GRM5: variants seen among roughly 807,000 people sequenced by gnomAD.
GRM5 encodes metabotropic glutamate receptor 5.
In GRM5, 19 loss-of-function variants were observed where a neutral mutation model predicts 83.1. That is an observed-to-expected ratio of 0.23 (90% CI 0.16 to 0.34). The LOEUF (loss-of-function observed/expected upper bound fraction) is 0.34. GRM5 is among the 10% of genes least tolerant of loss of function. The pLI, the probability that GRM5 is intolerant of heterozygous loss-of-function variation, is 1.00. For synonymous variants in GRM5, 675 were observed against 633.6 expected, an observed-to-expected ratio of 1.07 and a Z score of -0.98; for missense variants, 1,160 against 1,588.3, an observed-to-expected ratio of 0.73 and a Z score of 4.58.
intron 3 of GRM5, among the ~76,000 whole-genome samples, chr11:88,668,674 T>C (rs966572016): frequency 3.9e-5 from 6 of 151,952 alleles, no homozygotes; most frequent in African/African-American, 1.5e-4. Flanking sequence ...TAACAAGAGG[T>C]CTGTCTTAAC....
chr11:88,505,100 G>A lies in GRM5; in HGVS notation c.*3492C>T, dbSNP rs1331285124. 6.6e-6 allele frequency: 1 copy of A among 152,138 alleles called. No individual in the cohort carries two copies. The highest frequency in any genetic ancestry group is 1.5e-5 in the Non-Finnish European group (1 of 68,004). The allele number at this position is 152,138 out of a possible 1,614,324, so 9.4% of individuals were successfully genotyped here. ...TACATGCCTCATTCTTCAATAGACA[G>A]TAGAGACTCTCCCAGGCCTCAGACC... On this transcript the variant is annotated 3_prime_UTR_variant, in exon 10 of 10. Coordinates refer to ENST00000305447, the MANE Select transcript of GRM5 (RefSeq NM_001143831.3).
intron 3 of GRM5, among the ~76,000 whole-genome samples, chr11:88,655,438 T>C (rs979208694): frequency 2.6e-5 from 4 of 152,118 alleles, no homozygotes; most frequent in African/African-American, 4.8e-5. Flanking sequence ...GAATTTAAAT[T>C]GCTCCTTTTG....
intron 3 of GRM5, among the ~76,000 whole-genome samples, chr11:88,823,931 ATT>A (rs1447711324): frequency 6.6e-6 from 1 of 151,944 alleles, no homozygotes; most frequent in East Asian, 1.9e-4. Context: ...ACTTTTTATT[ATT>A]CTTGCTTCTT....
intron 2 of GRM5, among the ~76,000 whole-genome samples, chr11:88,857,840 A>T (rs1944501482): frequency 6.6e-6 from 1 of 152,094 alleles, no homozygotes; most frequent in Non-Finnish European, 1.5e-5. Context: ...AAGGAAGTTA[A>T]ATGATCCAAG....
At chr11:88,625,213 G>T (rs187646330) in intron 4 of GRM5, among the ~76,000 whole-genome samples, 29 of 152,198 alleles carry the variant, frequency 1.9e-4, no homozygotes, top group Non-Finnish European at 3.8e-4. Flanking sequence ...AGAGAGCCAG[G>T]ATTTCTACCT....
At chr11:88,724,102 A>G (rs542278871) in intron 3 of GRM5, among the ~76,000 whole-genome samples, 1 of 152,284 alleles carries the variant, frequency 6.6e-6, no homozygotes, top group African/African-American at 2.4e-5. Flanking sequence ...ATGTGCTCGT[A>G]GCTACCTATT....
chr11:88,914,888 T>G (rs1389250443), intron 2 of GRM5, among the ~76,000 whole-genome samples: 1 of 152,178 alleles, frequency 6.6e-6, no homozygotes, highest in African/African-American at 2.4e-5. Flanking sequence ...AAAGTGCTCA[T>G]TGAATTATTC....
At chr11:88,513,739 A>G (rs1941446297) in intron 9 of GRM5, among the ~76,000 whole-genome samples, 1 of 151,890 alleles carries the variant, frequency 6.6e-6, no homozygotes, top group Non-Finnish European at 1.5e-5. Context: ...TCTTTATTGG[A>G]AAAAAAGAAA....
intron 8 of GRM5, among the ~76,000 whole-genome samples, chr11:88,530,861 T>A (rs1941990801): frequency 6.6e-6 from 1 of 152,056 alleles, no homozygotes; most frequent in South Asian, 2.1e-4. Context: ...TGATGCCTTA[T>A]GTGAGGCTGA....
At chr11:88,977,062 T>C (rs1056082672) in intron 2 of GRM5, among the ~76,000 whole-genome samples, 14 of 151,616 alleles carry the variant, frequency 9.2e-5, no homozygotes, top group Admixed American at 6.6e-4. Flanking sequence ...CTAGCAAGAT[T>C]TTATTCTCAA....
At chr11:89,058,165 T>G (rs1941915741) in intron 1 of GRM5, among the ~76,000 whole-genome samples, 1 of 152,248 alleles carries the variant, frequency 6.6e-6, no homozygotes, top group African/African-American at 2.4e-5. Flanking sequence ...CATTAAATTC[T>G]TATGTAACGT....
At chr11:88,704,506 A>AT (rs150383426) in intron 3 of GRM5, among the ~76,000 whole-genome samples, 3,879 of 152,170 alleles carry the variant, frequency 0.025, 202 homozygotes, top group Admixed American at 0.14. Context: ...TGCCAGAAAA[A>AT]TAAGCCCAGC....
intron 2 of GRM5, among the ~76,000 whole-genome samples, chr11:88,856,499 C>G (rs1944479474): frequency 6.6e-6 from 1 of 151,934 alleles, no homozygotes; most frequent in African/African-American, 2.4e-5. Context: ...TTCTGGAATA[C>G]CTCCTGAAAG....
chr11:88,846,610 A>C (rs1313404808), intron 3 of GRM5, among the ~76,000 whole-genome samples: 2 of 152,214 alleles, frequency 1.3e-5, no homozygotes, highest in Non-Finnish European at 2.9e-5. Flanking sequence ...GACCTAAGGC[A>C]GTTGGAGATA....
chr11:88,549,188 G>T (rs944394905), intron 8 of GRM5, among the ~76,000 whole-genome samples: 1 of 152,138 alleles, frequency 6.6e-6, no homozygotes, highest in Non-Finnish European at 1.5e-5. Context: ...AGGAGGCCTG[G>T]CACAGTTGCT....
intron 3 of GRM5, among the ~76,000 whole-genome samples, chr11:88,789,584 A>T (rs1454296241): frequency 6.6e-6 from 1 of 152,102 alleles, no homozygotes; most frequent in Non-Finnish European, 1.5e-5. Context: ...CCTTTTATGA[A>T]CCTTATCTTT....
rs1192320622 is a variant in GRM5 at position 89,009,201 on chromosome 11, G to A, written c.661+38011C>T. On this transcript the variant is annotated intron_variant, in intron 2 of 9. Coordinates refer to ENST00000305447, the MANE Select transcript of GRM5 (RefSeq NM_001143831.3). ...AATAAATTTGTTAACACAAAGGTAAGTTGACATATTAGCATACCAAGATGT... is the reference window on the plus strand; with the variant it reads ...AATAAATTTGTTAACACAAAGGTAAATTGACATATTAGCATACCAAGATGT... The A allele has an allele frequency of 2.6e-5, 16 of 620,532 alleles. 1 individual carries two copies. Among genetic ancestry groups the A allele is most frequent in the East Asian group, 1.1e-4 (4 of 36,270 alleles). 38.4% of individuals were successfully genotyped at this position (620,532 alleles called of 1,614,324 possible). A position where few individuals can be genotyped will look rare whatever the true frequency, so the allele number is the denominator to read the frequency against.
intron 8 of GRM5, among the ~76,000 whole-genome samples, chr11:88,543,933 A>G (rs1942332229): frequency 1.3e-5 from 2 of 152,068 alleles, no homozygotes; most frequent in Admixed American, 6.6e-5. Context: ...AAGAGGTGGG[A>G]CATTTAGGGG....
intron 3 of GRM5, 35 bp from the exon 4 acceptor site, chr11:88,653,438 A>G (rs1939688799): frequency 7.1e-7 from 1 of 1,410,890 alleles, no homozygotes; most frequent in South Asian, 1.2e-5. Flanking sequence ...AGCTTAGAAC[A>G]GATATCTCCT....
Sources: allele counts gnomAD v4.1 joint callset (sites outside exome capture counted in the v4.1 genomes callset), GRCh38; gene constraint gnomAD v4.1.1; transcripts MANE v1.5; gene names NCBI Gene and HGNC (gene_info 2026-07-23, HGNC 2026-07-21).